The following TLE6 variants were observed in gnomAD, a reference collection of about 807,000 sequenced individuals.
The protein encoded by TLE6 is TLE family member 6, subcortical maternal complex member, also known as transducin-like enhancer protein 6.
Under a neutral mutation model 77.1 loss-of-function variants are expected in TLE6, and 72 were observed. The ratio of observed to expected loss-of-function variants is 0.93; its 90% confidence interval spans 0.77 to 1.14. The LOEUF is 1.14. Ranked by LOEUF, TLE6 falls within the 50% of genes most tolerant of loss-of-function variation. The pLI is 0.00. For synonymous variants in TLE6, 366 were observed against 287.3 expected (o/e 1.27, Z -2.77); for missense variants, 843 against 747.6 (o/e 1.13, Z -1.49).
At chr19:2,988,247 T>C in intron 11 of TLE6, 119 bp downstream of exon 11, 1 of 1,097,062 alleles carries the variant, frequency 9.1e-7, no homozygotes. Flanking sequence ...TCTTCCCCTT[T>C]TCCCATCACT....
In TLE6 at chr19:2,986,979, C is replaced by G. The variant is rs777667948; in HGVS notation, c.286-4C>G. ...CTCTCACTGCCTTGTTCCTGCCGGG[C>G]CAGGTCTCACCTGCTGAACCAGCCA... On this transcript the variant is annotated splice_region_variant and splice_polypyrimidine_tract_variant and intron_variant, in intron 6 of 16. Transcript: ENST00000246112. 6.8e-6 allele frequency: 11 copies of G among 1,606,900 alleles called. No individual in the cohort carries two copies. In the East Asian group the frequency reaches 2.5e-4, roughly 36 times the overall value.
chr19:2,985,831 T>A (rs867833975), intron 5 of TLE6, among the ~76,000 whole-genome samples: 2 of 150,970 alleles, frequency 1.3e-5, no homozygotes, highest in African/African-American at 4.9e-5. Context: ...ATCCCAGCAC[T>A]TTGGGAGGCC....
chr19:2,978,380 C>T lies in TLE6; in HGVS notation c.51+96C>T, dbSNP rs1338015685. On this transcript the variant is annotated intron_variant, in intron 2 of 16. Coordinates refer to ENST00000246112, the MANE Select transcript of TLE6 (RefSeq NM_001143986.2). ...ACCTGTGACCTGGGCTGGCCCCGCC[C>T]AGGCCTCGCAGCTGAAGACAATACT... 8.1e-6 allele frequency: 10 copies of T among 1,241,756 alleles called. No homozygotes were observed. The Admixed American group carries it at 1.0e-4, about 13-fold the overall frequency. The allele number at this position is 1,241,756 out of a possible 1,614,324, so 76.9% of individuals were successfully genotyped here.
In TLE6 at chr19:2,987,043, C is replaced by T; in HGVS notation, c.346C>T (p.Gln116Ter). The T allele has an allele frequency of 1.2e-6, 2 of 1,614,092 alleles. No homozygotes were observed. Among genetic ancestry groups the T allele is most frequent in the East Asian group, 4.5e-5 (2 of 44,878 alleles). Residue 116 changes from glutamine to a stop codon, truncating the protein, a stop_gained, in exon 7 of 17, where the codon CAG (glutamine) becomes TAG (stop). Coordinates refer to ENST00000246112, the MANE Select transcript of TLE6 (RefSeq NM_001143986.2). LOFTEE classifies it high-confidence loss of function. ...CCAGCAGGTGAAGGACAAGACCCTG[C>T]AGGAGTCGAGCTTTGAGGACATCAT... ...TPQQVKDKTL[Q>*]ESSFEDIMAT...
intron 16 of TLE6, 142 bp downstream of exon 16, chr19:2,994,237 A>C (rs757523070): frequency 1.8e-5 from 12 of 664,104 alleles, no homozygotes; most frequent in Middle Eastern, 4.1e-4. Flanking sequence ...GCATTTTGGG[A>C]GGCTGAGGCA....
intron 8 of TLE6, 149 bp downstream of exon 8, chr19:2,987,521 G>A (rs2088942966): frequency 3.2e-6 from 4 of 1,253,974 alleles, no homozygotes; most frequent in Non-Finnish European, 1.1e-6. Context: ...GGGTGATCCA[G>A]GAGGCTATAC....
At position 2,991,870 on chromosome 19, in the gene TLE6, C is replaced by G. The variant is rs751968018; in HGVS notation, c.1272C>G (p.Val424=). 1.9e-6 allele frequency: 3 copies of G among 1,613,654 alleles called. No homozygotes were observed. The East Asian group carries it at 6.7e-5, about 36-fold the overall frequency. The change falls in exon 14 of 17, where the codon GTC becomes GTG. Residue 424 remains valine (V), a synonymous_variant. Transcript: ENST00000246112. ...VRDLKGYPDG[V]KSIVVKGYNI... is the part of the protein sequence containing the mutation. ...ACCTCAAGGGTTATCCTGATGGAGTCAAGAGTATCGTGGTCAAGGGCTACA... is the reference window on the plus strand; with the variant it reads ...ACCTCAAGGGTTATCCTGATGGAGTGAAGAGTATCGTGGTCAAGGGCTACA...
chr19:2,985,003 C>G (rs2088878136), intron 5 of TLE6, among the ~76,000 whole-genome samples: 2 of 151,784 alleles, frequency 1.3e-5, no homozygotes, highest in South Asian at 4.2e-4. Context: ...GTAATCCCAG[C>G]ACTTTGGGAG....
chr19:2,992,927 G>A (rs575145940), intron 14 of TLE6, among the ~76,000 whole-genome samples: 3 of 148,022 alleles, frequency 2.0e-5, no homozygotes, highest in South Asian at 2.1e-4. Flanking sequence ...AGTGTCTCAC[G>A]CCTGTAATCC....
intron 2 of TLE6, 87 bp from the exon 3 acceptor site, chr19:2,980,013 A>T: frequency 9.7e-7 from 1 of 1,029,854 alleles, no homozygotes; most frequent in Non-Finnish European, 1.4e-6. Context: ...CACCAACCTA[A>T]TGCCTATGCC....
At chr19:2,990,694 TAAATATATAC>T (rs1299360474) in intron 13 of TLE6, among the ~76,000 whole-genome samples, 1 of 125,458 alleles carries the variant, frequency 8.0e-6, no homozygotes, top group East Asian at 2.0e-4. Context: ...AATATATACA[TAAATATATAC>T]ATATATAAAA....
Position 2,994,068 on chromosome 19 carries a change from C to T in TLE6, c.1587C>T (p.Ser529=), listed in dbSNP as rs1167445703. ...VGMDDFLGVY[S]MPAGTKVFEV... ...TGGACGACTTCCTTGGCGTCTACAG[C>T]ATGCCGGCGGGGACAAAAGTGTTCG... The change falls in exon 16 of 17, where the codon AGC becomes AGT. Residue 529 remains serine (S), a synonymous_variant. Coordinates refer to ENST00000246112, the MANE Select transcript of TLE6 (RefSeq NM_001143986.2). 3 of 1,607,814 alleles carry T rather than the reference C, an allele frequency of 1.9e-6. No homozygotes were observed. The highest frequency in any genetic ancestry group is 2.2e-5 in the East Asian group (1 of 44,674).
At chr19:2,977,795 C>T (rs1381645592) in intron 1 of TLE6, among the ~76,000 whole-genome samples, 185 bp downstream of exon 1, 1 of 152,140 alleles carries the variant, frequency 6.6e-6, no homozygotes, top group African/African-American at 2.4e-5. Flanking sequence ...CCTAATGCAC[C>T]TGGCTAACTC....
chr19:2,988,542 G>A (rs1044897401), intron 11 of TLE6, among the ~76,000 whole-genome samples: 10 of 152,072 alleles, frequency 6.6e-5, no homozygotes, highest in African/African-American at 1.9e-4. Context: ...AGGTTGCAGT[G>A]AGTTGAGATC....
chr19:2,993,920 C>CA (rs34647224), intron 15 of TLE6, 99 bp from the exon 16 acceptor site: 12,916 of 541,234 alleles, frequency 0.024, 382 homozygotes, highest in African/African-American at 0.16. Flanking sequence ...GACCCTGTCT[C>CA]AAAAAAAAAA....
At chr19:2,991,379 T>TAC (rs1270324164) in intron 13 of TLE6, among the ~76,000 whole-genome samples, 8 of 87,074 alleles carry the variant, frequency 9.2e-5, no homozygotes, top group African/African-American at 4.4e-4. Flanking sequence ...AAAATACGTA[T>TAC]ATATATATAT....
chr19:2,987,293 G>T, intron 7 of TLE6, 55 bp downstream of exon 7: 1 of 1,614,182 alleles, frequency 6.2e-7, no homozygotes, highest in Non-Finnish European at 8.5e-7. Context: ...CGTCTCAGGG[G>T]CTGTGCAGTG....
chr19:2,987,123 G>A lies in TLE6; in HGVS notation c.426G>A (p.Pro142=), dbSNP rs757907159. ...GGCCTTTGGGGGAGGACAATCAGCC[G>A]GAGACCCAGCTGTTCTGGGACAAGG... ...LRRPLGEDNQ[P]ETQLFWDKEP... is the part of the protein sequence containing the mutation. The change falls in exon 7 of 17, where the codon CCG becomes CCA. Residue 142 remains proline (P), a synonymous_variant. Transcript: ENST00000246112. 54 of 1,614,124 alleles carry A rather than the reference G, an allele frequency of 3.3e-5. No individual in the cohort carries two copies. Among genetic ancestry groups the A allele is most frequent in the Middle Eastern group, 1.6e-4 (1 of 6,062 alleles).
At chr19:2,980,030 AG>A in intron 2 of TLE6, 69 bp from the exon 3 acceptor site, 1 of 1,098,810 alleles carries the variant, frequency 9.1e-7, no homozygotes, top group Non-Finnish European at 1.3e-6. Flanking sequence ...TGCCATGTTG[AG>A]GTGGAGACCG....
Sources: gnomAD v4.1 joint callset for allele counts (sites outside exome capture counted in the v4.1 genomes callset) on GRCh38, gnomAD v4.1.1 for gene constraint, MANE v1.5 for transcripts, NCBI Gene and HGNC (gene_info 2026-07-23, HGNC 2026-07-21) for gene names.